Variants in CACNB2 observed in about 807,000 individuals in gnomAD.
The protein encoded by CACNB2 is calcium voltage-gated channel auxiliary subunit beta 2.
In CACNB2, 42 loss-of-function variants were observed where a neutral mutation model predicts 73.3. That is an observed-to-expected ratio of 0.57 (90% CI 0.45 to 0.74). The LOEUF is 0.74. CACNB2 is among the 30% of genes least tolerant of loss of function. The pLI, the probability that CACNB2 is intolerant of heterozygous loss-of-function variation, is 0.00. For synonymous variants in CACNB2, 348 were observed against 310.3 expected, an observed-to-expected ratio of 1.12 and a Z score of -1.28; for missense variants, 940 against 853.0, an observed-to-expected ratio of 1.10 and a Z score of -1.27.
At chr10:18,380,732 A>C (rs185639741) in intron 2 of CACNB2, among the ~76,000 whole-genome samples, 5 of 151,980 alleles carry the variant, frequency 3.3e-5, no homozygotes, top group Admixed American at 3.3e-4. Context: ...TGGGGTTATA[A>C]GAATGAGCCA....
intron 2 of CACNB2, among the ~76,000 whole-genome samples, chr10:18,323,979 G>A: frequency 6.6e-6 from 1 of 152,254 alleles, no homozygotes; most frequent in Non-Finnish European, 1.5e-5. Flanking sequence ...GCCTGCTGAT[G>A]TACAACAGAT....
chr10:18,220,219 ATATATATATATAT>A (rs2035706420), intron 2 of CACNB2, among the ~76,000 whole-genome samples: 1 of 56,598 alleles, frequency 1.8e-5, no homozygotes, highest in African/African-American at 1.0e-4. Context: ...ATATATATAT[ATATATATATATAT>A]AGAGAGAGAG....
chr10:18,387,806 G>A (rs977966597), intron 2 of CACNB2, among the ~76,000 whole-genome samples: 11 of 151,696 alleles, frequency 7.3e-5, no homozygotes, highest in Non-Finnish European at 4.4e-5. Flanking sequence ...ACTCAGGCTG[G>A]GGTGCAGTGG....
intron 1 of CACNB2, among the ~76,000 whole-genome samples, chr10:18,146,627 G>A (rs111843672): frequency 0.019 from 2,817 of 152,018 alleles, 94 homozygotes; most frequent in African/African-American, 0.063. Flanking sequence ...ACAGGTGTCC[G>A]CCACCACGCC....
chr10:18,347,801 T>C (rs2041530712), intron 2 of CACNB2, among the ~76,000 whole-genome samples: 1 of 152,198 alleles, frequency 6.6e-6, no homozygotes. Context: ...CCTGAGATCC[T>C]TTCTGTTGGA....
At chr10:18,467,622 A>G (rs895043049) in intron 3 of CACNB2, among the ~76,000 whole-genome samples, 7 of 152,210 alleles carry the variant, frequency 4.6e-5, no homozygotes, top group African/African-American at 1.7e-4. Flanking sequence ...GGGCTGCAGT[A>G]GGAGAAATTG....
chr10:18,187,860 C>G (rs770609899), intron 2 of CACNB2, among the ~76,000 whole-genome samples: 26 of 152,072 alleles, frequency 1.7e-4, no homozygotes, highest in African/African-American at 4.6e-4. Flanking sequence ...TAATCTCTGG[C>G]CTTCAAAATG....
intron 3 of CACNB2, among the ~76,000 whole-genome samples, chr10:18,436,477 T>C (rs1448032772): frequency 1.3e-5 from 2 of 152,240 alleles, no homozygotes; most frequent in African/African-American, 4.8e-5. Context: ...TTCTCTTCCC[T>C]GTCCTCCATC....
intron 9 of CACNB2, among the ~76,000 whole-genome samples, chr10:18,527,301 G>A (rs1340817521): frequency 6.6e-6 from 1 of 152,066 alleles, no homozygotes; most frequent in Non-Finnish European, 1.5e-5. Context: ...ACTTGAACCT[G>A]AAAGGTGGAG....
At chr10:18,484,250 C>T (rs139982005) in intron 3 of CACNB2, among the ~76,000 whole-genome samples, 23 of 151,886 alleles carry the variant, frequency 1.5e-4, no homozygotes, top group African/African-American at 3.4e-4. Flanking sequence ...AAAAATTAGC[C>T]GGGCGTGGTG....
rs2357928 is a variant in CACNB2, at chr10:18,260,712, G to A, written c.213+109737G>A. On this transcript the variant is annotated intron_variant, in intron 2 of 13. Coordinates refer to ENST00000324631, the MANE Select transcript of CACNB2 (RefSeq NM_201596.3). ...GTAACAGTGAATCCAGGATGCTGCT[G>A]TCAGCCTGTGCATTGTGAAGAAGGC... 522,529 of 993,288 alleles carry A rather than the reference G, an allele frequency of 0.53. 138,786 individuals are homozygous for A. Among genetic ancestry groups the A allele is most frequent in the East Asian group, 0.71 (6,487 of 9,164 alleles). The allele number at this position is 993,288 out of a possible 1,614,324, so 61.5% of individuals were successfully genotyped here. A position where few individuals can be genotyped will look rare whatever the true frequency, so the allele number is the denominator to read the frequency against.
intron 2 of CACNB2, among the ~76,000 whole-genome samples, chr10:18,269,025 G>T (rs574984738): frequency 6.6e-6 from 1 of 152,252 alleles, no homozygotes; most frequent in Non-Finnish European, 1.5e-5. Flanking sequence ...TATATGTGGA[G>T]GTGCTTAACT....
rs532356685 is a variant in CACNB2, at chr10:18,340,355, C to T, written c.214-61569C>T. On this transcript the variant is annotated intron_variant, in intron 2 of 13. Coordinates refer to ENST00000324631, the MANE Select transcript of CACNB2 (RefSeq NM_201596.3). Reference sequence around the variant, plus strand: ...TACACACTGAGAACTTGAAAGGCAACGAAAAAAGAAAGATATCACTTTCTT... The same window carrying T: ...TACACACTGAGAACTTGAAAGGCAATGAAAAAAGAAAGATATCACTTTCTT... Among the ~76,000 whole-genome samples, 16 of 151,856 alleles carry T rather than the reference C, an allele frequency of 1.1e-4. No homozygotes were observed. In the East Asian group the frequency reaches 1.2e-3, roughly 11 times the overall value.
At chr10:18,506,092 A>T (rs1448867424) in intron 5 of CACNB2, among the ~76,000 whole-genome samples, 1 of 152,202 alleles carries the variant, frequency 6.6e-6, no homozygotes, top group Non-Finnish European at 1.5e-5. Context: ...AACAAGAAGG[A>T]AATATTAATC....
chr10:18,516,861 A>G (rs573009290), intron 7 of CACNB2, among the ~76,000 whole-genome samples: 41 of 152,056 alleles, frequency 2.7e-4, no homozygotes, highest in Non-Finnish European at 4.9e-4. Context: ...GATTGTGTCA[A>G]TTAAAATTAA....
Position 18,543,036 on chromosome 10 carries a change from C to CT in CACNB2, c.*3313dup, listed in dbSNP as rs1319108768. On this transcript the variant is annotated 3_prime_UTR_variant, in exon 14 of 14. Transcript: ENST00000324631. Reference sequence around the variant, plus strand: ...GACAATGCCACATTTTTAACATGGTCTGCTATGCATTCCTGTTAAACATTC... The same window carrying CT: ...GACAATGCCACATTTTTAACATGGTCTTGCTATGCATTCCTGTTAAACATTC... 3.3e-5 allele frequency: 5 copies of CT among 152,054 alleles called. No individual in the cohort carries two copies. The highest frequency in any genetic ancestry group is 4.8e-5 in the African/African-American group (2 of 41,414). The allele number at this position is 152,054 out of a possible 1,614,324, so 9.4% of individuals were successfully genotyped here. A position where few individuals can be genotyped will look rare whatever the true frequency, so the allele number is the denominator to read the frequency against.
chr10:18,425,573 T>TG (rs2045555920), intron 3 of CACNB2, among the ~76,000 whole-genome samples: 4 of 151,814 alleles, frequency 2.6e-5, no homozygotes, highest in East Asian at 1.9e-4. Flanking sequence ...GAGGCTGAGT[T>TG]GGGGGGGTTG....
chr10:18,382,976 C>T (rs911179605), intron 2 of CACNB2, among the ~76,000 whole-genome samples: 1 of 152,124 alleles, frequency 6.6e-6, no homozygotes, highest in African/African-American at 2.4e-5. Flanking sequence ...AGCTTGGTGT[C>T]TCTTCTGTGT....
At chr10:18,385,364 A>T (rs1407137734) in intron 2 of CACNB2, among the ~76,000 whole-genome samples, 2 of 83,166 alleles carry the variant, frequency 2.4e-5, no homozygotes, top group African/African-American at 4.5e-5. Context: ...GATTTGTAAT[A>T]CCCCCCCCCC....
Sources: allele counts gnomAD v4.1 joint callset (sites outside exome capture counted in the v4.1 genomes callset), GRCh38; gene constraint gnomAD v4.1.1; transcripts MANE v1.5; gene names NCBI Gene and HGNC (gene_info 2026-07-23, HGNC 2026-07-21).